GARIN1B: variants seen among roughly 807,000 people sequenced by gnomAD.
GARIN1B encodes Golgi-associated RAB2 interactor protein 1B.
chr7:128,729,972 C>CGG, the GARIN1B span: 4 of 1,614,172 alleles, frequency 2.5e-6, no homozygotes, highest in Non-Finnish European at 3.4e-6. Flanking sequence ...CATTCACGTA[C>CGG]GGAGAGTGGG....
chr7:128,730,151 T>C, the GARIN1B span: 1 of 1,454,864 alleles, frequency 6.9e-7, no homozygotes, highest in Non-Finnish European at 9.3e-7. Context: ...CCTGGGGTCC[T>C]GAGGGTGATT....
At chr7:128,712,521 T>C in the GARIN1B span, among the ~76,000 whole-genome samples, 1 of 152,292 alleles carries the variant, frequency 6.6e-6, no homozygotes, top group East Asian at 1.9e-4. Flanking sequence ...TTTCCAAAAT[T>C]GTATAAACTC....
chr7:128,713,694 G>C, the GARIN1B span, among the ~76,000 whole-genome samples: 1 of 152,154 alleles, frequency 6.6e-6, no homozygotes, highest in Admixed American at 6.5e-5. Flanking sequence ...GGGCACCCAA[G>C]CCTTCTTCCT....
the GARIN1B span, among the ~76,000 whole-genome samples, chr7:128,726,476 A>G: frequency 4.6e-5 from 7 of 152,198 alleles, no homozygotes; most frequent in Non-Finnish European, 1.0e-4. Flanking sequence ...GGTTGCAATT[A>G]TTATCAGTTT....
At chr7:128,725,380 T>TCC in the GARIN1B span, among the ~76,000 whole-genome samples, 2 of 144,616 alleles carry the variant, frequency 1.4e-5, no homozygotes, top group African/African-American at 2.6e-5. Flanking sequence ...CTTCCTTCCT[T>TCC]TTTCTTTCTT....
the GARIN1B span, among the ~76,000 whole-genome samples, chr7:128,709,700 G>T: frequency 1.3e-5 from 2 of 148,500 alleles, no homozygotes; most frequent in African/African-American, 4.9e-5. Context: ...GGGTTTTCCA[G>T]TGGAAACCAG....
the GARIN1B span, among the ~76,000 whole-genome samples, chr7:128,710,105 A>T: frequency 1.3e-5 from 2 of 152,190 alleles, no homozygotes; most frequent in East Asian, 3.9e-4. Flanking sequence ...GTTTGTAGAG[A>T]CAGGGTTTTG....
At chr7:128,713,927 T>C in the GARIN1B span, 2 of 1,461,702 alleles carry the variant, frequency 1.4e-6, no homozygotes, top group South Asian at 2.4e-5. Flanking sequence ...TTCTAGGTTA[T>C]TTCCAGGGAA....
At chr7:128,721,440 G>T in the GARIN1B span, among the ~76,000 whole-genome samples, 2 of 152,000 alleles carry the variant, frequency 1.3e-5, no homozygotes, top group African/African-American at 2.4e-5. Flanking sequence ...AATACAATTG[G>T]TTTTTTAATA....
At chr7:128,722,340 C>G in the GARIN1B span, among the ~76,000 whole-genome samples, 1 of 152,106 alleles carries the variant, frequency 6.6e-6, no homozygotes. Context: ...TCCCTAGTAC[C>G]TGGCTCCTAG....
At chr7:128,723,396 C>A in the GARIN1B span, 61 of 1,546,330 alleles carry the variant, frequency 3.9e-5, no homozygotes, top group Non-Finnish European at 5.0e-5. Flanking sequence ...ATCCAGAAAC[C>A]AAATAGCTTG....
chr7:128,721,573 C>T, the GARIN1B span, among the ~76,000 whole-genome samples: 14 of 152,240 alleles, frequency 9.2e-5, no homozygotes, highest in East Asian at 2.1e-3. Flanking sequence ...TCTTCATTTC[C>T]AATCTAGATT....
the GARIN1B span, among the ~76,000 whole-genome samples, chr7:128,728,961 C>T: frequency 6.6e-6 from 1 of 152,208 alleles, no homozygotes; most frequent in Non-Finnish European, 1.5e-5. Context: ...TAAACATACA[C>T]ACTCAAAACA....
At chr7:128,726,595 G>C in the GARIN1B span, among the ~76,000 whole-genome samples, 1 of 151,840 alleles carries the variant, frequency 6.6e-6, no homozygotes, top group South Asian at 2.1e-4. Flanking sequence ...TCAGCAGCAT[G>C]GGCTCTGCTC....
the GARIN1B span, among the ~76,000 whole-genome samples, chr7:128,712,973 G>A: frequency 2.6e-5 from 4 of 152,206 alleles, no homozygotes; most frequent in South Asian, 8.3e-4. Context: ...TCTTACAGGA[G>A]ACCTGTGCCC....
the GARIN1B span, among the ~76,000 whole-genome samples, chr7:128,721,832 A>T: frequency 6.6e-6 from 1 of 152,030 alleles, no homozygotes. Flanking sequence ...AGATTTGTTA[A>T]ATGCTTTCTC....
At chr7:128,716,448 G>A in the GARIN1B span, among the ~76,000 whole-genome samples, 1 of 152,166 alleles carries the variant, frequency 6.6e-6, no homozygotes, top group Non-Finnish European at 1.5e-5. Flanking sequence ...GAACTCCTGG[G>A]TTGTAATTCC....
the GARIN1B span, among the ~76,000 whole-genome samples, chr7:128,727,595 A>G: frequency 6.6e-6 from 1 of 152,190 alleles, no homozygotes; most frequent in African/African-American, 2.4e-5. Flanking sequence ...TTCGGCATGC[A>G]TGGCCCTGCA....
the GARIN1B span, among the ~76,000 whole-genome samples, chr7:128,722,290 A>G: frequency 0.36 from 54,809 of 152,040 alleles, 10,528 homozygotes; most frequent in South Asian, 0.46. Context: ...CAGAAACTCC[A>G]TGAAGGCAGG....
Sources: gnomAD v4.1 joint callset for allele counts (sites outside exome capture counted in the v4.1 genomes callset) on GRCh38, gnomAD v4.1.1 for gene constraint, MANE v1.5 for transcripts, NCBI Gene and HGNC (gene_info 2026-07-23, HGNC 2026-07-21) for gene names.